The following RRP15 variants were observed in gnomAD, a reference collection of about 807,000 sequenced individuals.
The protein encoded by RRP15 is RRP15-like protein.
RRP15 carries 18 observed loss-of-function variants against 27.1 expected under a neutral mutation model. The observed-to-expected ratio is 0.66, with a 90% confidence interval of 0.46 to 0.98. RRP15 has a LOEUF of 0.98. Ranked by LOEUF, RRP15 falls within the 50% of genes least tolerant of loss-of-function variation. RRP15 has a pLI of 0.00. For missense variants in RRP15, 359 were observed against 337.8 expected, an observed-to-expected ratio of 1.06 and a Z score of -0.49; for synonymous variants, 107 against 109.4, an observed-to-expected ratio of 0.98 and a Z score of 0.14.
intron 4 of RRP15, 147 bp downstream of exon 4, chr1:218,307,779 A>G: frequency 1.6e-6 from 1 of 628,658 alleles, no homozygotes; most frequent in Non-Finnish European, 2.7e-6. Flanking sequence ...ACCTTTAGAG[A>G]TAGGGCTTGC....
intron 4 of RRP15, among the ~76,000 whole-genome samples, chr1:218,309,840 A>AT (rs1448699673): frequency 6.6e-6 from 1 of 152,192 alleles, no homozygotes; most frequent in Non-Finnish European, 1.5e-5. Context: ...CAAATTCTAA[A>AT]TTAGTATGTC....
chr1:218,311,684 C>G (rs544456581), intron 4 of RRP15, among the ~76,000 whole-genome samples: 2 of 152,308 alleles, frequency 1.3e-5, no homozygotes, highest in East Asian at 3.9e-4. Context: ...ATGCAGTATC[C>G]TCTGTTTTTT....
At chr1:218,288,856 A>G (rs1417008849) in intron 1 of RRP15, among the ~76,000 whole-genome samples, 1 of 152,136 alleles carries the variant, frequency 6.6e-6, no homozygotes, top group Non-Finnish European at 1.5e-5. Flanking sequence ...TTATAACCAG[A>G]GTATTCTTTC....
At chr1:218,290,429 T>G (rs781627702) in intron 1 of RRP15, among the ~76,000 whole-genome samples, 1 of 152,136 alleles carries the variant, frequency 6.6e-6, no homozygotes, top group African/African-American at 2.4e-5. Flanking sequence ...CCTTGTCTTA[T>G]GTGGATTTTT....
intron 2 of RRP15, among the ~76,000 whole-genome samples, chr1:218,304,593 A>G (rs1214291900): frequency 6.6e-6 from 1 of 152,214 alleles, no homozygotes; most frequent in African/African-American, 2.4e-5. Flanking sequence ...TTAAAAGCTG[A>G]TACATTTTCT....
In RRP15 at chr1:218,288,532, C is replaced by G. The variant is rs1558199851; in HGVS notation, c.139+3077C>G. Among the ~76,000 whole-genome samples the G allele has an allele frequency of 2.0e-5, 3 of 152,126 alleles. No individual in the cohort carries two copies. The South Asian group carries it at 6.2e-4, about 31-fold the overall frequency. On this transcript the variant is annotated intron_variant, in intron 1 of 4. Transcript: ENST00000366932. ...CTGTTACATTTAAAAAACTGAGGCA[C>G]AGAGGCTTATAACTTGCCCACTTCT...
chr1:218,323,448 C>T (rs945117973), intron 4 of RRP15, among the ~76,000 whole-genome samples: 7 of 152,144 alleles, frequency 4.6e-5, no homozygotes, highest in African/African-American at 1.7e-4. Flanking sequence ...TTTTATGGGC[C>T]TTAGAGGAGA....
At chr1:218,323,351 C>T (rs546538072) in intron 4 of RRP15, among the ~76,000 whole-genome samples, 2 of 152,276 alleles carry the variant, frequency 1.3e-5, no homozygotes, top group East Asian at 1.9e-4. Flanking sequence ...CTTTATTGAG[C>T]GATAGAACAG....
intron 2 of RRP15, among the ~76,000 whole-genome samples, chr1:218,304,272 A>G (rs1209161758): frequency 6.6e-6 from 1 of 152,232 alleles, no homozygotes; most frequent in Non-Finnish European, 1.5e-5. Context: ...TTAATGCATT[A>G]TATCATTATA....
rs538301673 is a variant in RRP15, at chr1:218,336,493, G to C, written c.*5402G>C. The C allele has an allele frequency of 6.6e-6, 1 of 152,602 alleles. No homozygotes were observed. Among genetic ancestry groups the C allele is most frequent in the African/African-American group, 2.4e-5 (1 of 41,436 alleles). 9.5% of individuals were successfully genotyped at this position (152,602 alleles called of 1,614,324 possible). A position where few individuals can be genotyped will look rare whatever the true frequency, so the allele number is the denominator to read the frequency against. ...ACAGCTGAGAGCTGTGTCCCTATGC[G>C]TGGGTGGCCTTGCAGCTGTTGATTC... On this transcript the variant is annotated 3_prime_UTR_variant, in exon 5 of 5. Coordinates refer to ENST00000366932, the MANE Select transcript of RRP15 (RefSeq NM_016052.4).
At chr1:218,323,304 A>G (rs1019634034) in intron 4 of RRP15, among the ~76,000 whole-genome samples, 1 of 152,206 alleles carries the variant, frequency 6.6e-6, no homozygotes, top group Non-Finnish European at 1.5e-5. Flanking sequence ...AGAATGAGGT[A>G]CACAGACAAG....
intron 4 of RRP15, among the ~76,000 whole-genome samples, chr1:218,316,549 T>C (rs879510390): frequency 3.9e-5 from 6 of 152,170 alleles, no homozygotes; most frequent in Non-Finnish European, 7.4e-5. Context: ...CACATAGTAC[T>C]AAAGCCACAG....
rs555153085 is a variant in RRP15 at position 218,336,027 on chromosome 1, T to C, written c.*4936T>C. 6.6e-6 allele frequency: 1 copy of C among 152,284 alleles called. No individual in the cohort carries two copies. The highest frequency in any genetic ancestry group is 2.1e-4 in the South Asian group (1 of 4,830). The allele number at this position is 152,284 out of a possible 1,614,324, so 9.4% of individuals were successfully genotyped here. Reference sequence around the variant, plus strand: ...GTTGTTCTCTAAAAGAATGGGTTTATGATGCACCAAAAGGACATTTTGAGA... The same window carrying C: ...GTTGTTCTCTAAAAGAATGGGTTTACGATGCACCAAAAGGACATTTTGAGA... On this transcript the variant is annotated 3_prime_UTR_variant, in exon 5 of 5. Transcript: ENST00000366932.
intron 4 of RRP15, among the ~76,000 whole-genome samples, chr1:218,309,242 C>T (rs1352002317): frequency 6.6e-6 from 1 of 152,302 alleles, no homozygotes; most frequent in African/African-American, 2.4e-5. Context: ...AATACCCTGA[C>T]ATATTTCTTT....
chr1:218,320,228 A>C (rs1656165943), intron 4 of RRP15, among the ~76,000 whole-genome samples: 1 of 144,254 alleles, frequency 6.9e-6, no homozygotes, highest in Admixed American at 7.2e-5. Flanking sequence ...ACCCCACAAC[A>C]GTCCCCAGAG....
intron 1 of RRP15, among the ~76,000 whole-genome samples, chr1:218,298,635 T>C (rs1184229817): frequency 1.3e-5 from 2 of 152,160 alleles, no homozygotes. Context: ...CAGCAGGAGA[T>C]AAGAAATGCG....
At chr1:218,304,835 C>G (rs1378750504) in intron 2 of RRP15, among the ~76,000 whole-genome samples, 193 bp from the exon 3 acceptor site, 1 of 152,124 alleles carries the variant, frequency 6.6e-6, no homozygotes, top group East Asian at 1.9e-4. Context: ...CTTTGTGCCT[C>G]TCGCATGACA....
Position 218,302,483 on chromosome 1 carries a change from C to T in RRP15, c.329C>T (p.Thr110Ile). ...LNKKTPESKP[T>I]ILVKNKKLEK... is the part of the protein sequence containing the mutation. Reference sequence around the variant, plus strand: ...AAGAAAACTCCTGAAAGTAAACCTACTATTCTGGTCAAAAATAAGAAGCTG... The same window carrying T: ...AAGAAAACTCCTGAAAGTAAACCTATTATTCTGGTCAAAAATAAGAAGCTG... Residue 110 changes from threonine (T) to isoleucine (I), a missense_variant, in exon 2 of 5, where the codon ACT becomes ATT. Coordinates refer to ENST00000366932, the MANE Select transcript of RRP15 (RefSeq NM_016052.4). 1 of 1,614,022 alleles carries T rather than the reference C, an allele frequency of 6.2e-7. No individual in the cohort carries two copies. The highest frequency in any genetic ancestry group is 8.5e-7 in the Non-Finnish European group (1 of 1,179,980).
At chr1:218,321,598 T>A (rs552189043) in intron 4 of RRP15, among the ~76,000 whole-genome samples, 1 of 152,276 alleles carries the variant, frequency 6.6e-6, no homozygotes, top group East Asian at 1.9e-4. Flanking sequence ...CCTGTACCTC[T>A]AAAACTTTCT....
Sources: allele counts gnomAD v4.1 joint callset (sites outside exome capture counted in the v4.1 genomes callset), GRCh38; gene constraint gnomAD v4.1.1; transcripts MANE v1.5; gene names NCBI Gene and HGNC (gene_info 2026-07-23, HGNC 2026-07-21).